REELD1: variants seen among roughly 807,000 people sequenced by gnomAD.
The protein encoded by REELD1 is reeler domain containing 1, also known as reelin domain-containing protein 1.
REELD1 carries 12 observed loss-of-function variants against 6.3 expected under a neutral mutation model. The observed-to-expected ratio is 1.89, with a 90% confidence interval of 1.21 to 3.07. REELD1 has a LOEUF of 3.07. Among genes scored for constraint, REELD1 ranks in the 30% most tolerant of loss-of-function variants. REELD1 has a pLI of 0.00. For missense variants in REELD1, 163 were observed against 86.8 expected (o/e 1.88, Z -3.49); for synonymous variants, 57 against 33.6 (o/e 1.70, Z -2.42).
rs1248198569 is a variant in REELD1, at chr4:146,227,563, C to T, written c.596-647C>T. On this transcript the variant is annotated intron_variant, in intron 5 of 7. Transcript: ENST00000623665. ...TGGCCTCATTTTGCAAATGAAGAAA[C>T]TAATGCTCTGGGAGGACTTCCCCAA... 1.2e-4 allele frequency among the ~76,000 whole-genome samples: 18 copies of T among 152,208 alleles called. 1 individual carries two copies. Among genetic ancestry groups the T allele is most frequent in the Admixed American group, 1.2e-3 (18 of 15,282 alleles).
chr4:146,224,285 C>T (rs1051547497), intron 4 of REELD1, among the ~76,000 whole-genome samples, 160 bp from the exon 5 acceptor site: 1 of 152,176 alleles, frequency 6.6e-6, no homozygotes, highest in Non-Finnish European at 1.5e-5. Context: ...TGAAGTCACT[C>T]AAAGAGTAAT....
chr4:146,222,638 G>A, intron 4 of REELD1, 59 bp downstream of exon 4: 1 of 398,308 alleles, frequency 2.5e-6, no homozygotes. Flanking sequence ...AGAGAGGGGA[G>A]CTTCTCTTTG....
intron 3 of REELD1, 85 bp from the exon 4 acceptor site, chr4:146,222,272 C>A (rs1473623358): frequency 2.5e-6 from 1 of 397,654 alleles, no homozygotes; most frequent in Non-Finnish European, 4.4e-6. Flanking sequence ...TGATCTTAAG[C>A]TTTTAGTTTT....
chr4:146,230,051 T>C lies in REELD1; in HGVS notation c.1119T>C (p.Ser373=). The C allele has an allele frequency of 2.5e-6, 1 of 398,828 alleles. No homozygotes were observed. The highest frequency in any genetic ancestry group is 2.1e-5 in the African/African-American group (1 of 48,772). The allele number at this position is 398,828 out of a possible 1,614,324, so 24.7% of individuals were successfully genotyped here. ...ASNPIPVLQT[S]GTSGLPAAGD... is the part of the protein sequence containing the mutation. ...ACCCAATCCCTGTCCTCCAGACCTC[T>C]GGCACTTCTGGGCTACCTGCTGCTG... is the stretch of plus-strand genomic sequence containing the variant. The change falls in exon 8 of 8, where the codon TCT becomes TCC. Residue 373 remains serine (S), a synonymous_variant. Transcript: ENST00000623665.
rs567443639 is a variant in REELD1 at position 146,231,705 on chromosome 4, A to C, written c.*1192A>C. Among the ~76,000 whole-genome samples the C allele has an allele frequency of 3.3e-5, 5 of 152,344 alleles. No individual in the cohort carries two copies. Among genetic ancestry groups the C allele is most frequent in the African/African-American group, 9.6e-5 (4 of 41,588 alleles). On this transcript the variant is annotated 3_prime_UTR_variant, in exon 8 of 8. Coordinates refer to ENST00000623665, the MANE Select transcript of REELD1 (RefSeq NM_001354631.1). ...GCGTATATCTTCACATTTAACTCTC[A>C]CAAAAATTTAATGAGGAATAAGTTC...
At position 146,228,224 on chromosome 4, in the gene REELD1, A is replaced by G; in HGVS notation, c.610A>G (p.Ile204Val). The change falls in exon 6 of 8, where the codon ATC becomes GTC. Residue 204 changes from isoleucine to valine, a missense_variant. Ile to Val is a conservative substitution (Grantham distance 29, BLOSUM62 3). Coordinates refer to ENST00000623665, the MANE Select transcript of REELD1 (RefSeq NM_001354631.1). The stretch of plus-strand genomic sequence containing the variant: ...CCTCTGCTTAGCTCCCAGGACCCCC[A>G]TCACTCTTCCACAGCAGCACACACA... The part of the protein sequence containing the change: ...EGAAPAPRTP[I>V]TLPQQHTHVF... 2.8e-6 allele frequency: 2 copies of G among 702,096 alleles called. No individual in the cohort carries two copies. Among genetic ancestry groups the G allele is most frequent in the Non-Finnish European group, 2.6e-6 (1 of 384,692 alleles). The allele number at this position is 702,096 out of a possible 1,614,324, so 43.5% of individuals were successfully genotyped here.
chr4:146,219,545 A>G (rs1680839476), intron 3 of REELD1, among the ~76,000 whole-genome samples: 1 of 152,232 alleles, frequency 6.6e-6, no homozygotes, highest in African/African-American at 2.4e-5. Flanking sequence ...AAACAATCCT[A>G]GACACCAAGC....
At chr4:146,216,010 C>G (rs1228609130) in intron 2 of REELD1, among the ~76,000 whole-genome samples, 2 of 152,198 alleles carry the variant, frequency 1.3e-5, no homozygotes, top group Admixed American at 6.5e-5. Context: ...CTCGGCCTCC[C>G]AAAGTGCTAG....
intron 3 of REELD1, among the ~76,000 whole-genome samples, chr4:146,219,375 A>G (rs949796720): frequency 6.6e-6 from 1 of 152,212 alleles, no homozygotes; most frequent in African/African-American, 2.4e-5. Flanking sequence ...CGTTGCAAGT[A>G]TACTGTTTTC....
chr4:146,227,475 C>A (rs1228488015), intron 5 of REELD1, among the ~76,000 whole-genome samples: 1 of 152,172 alleles, frequency 6.6e-6, no homozygotes, highest in Non-Finnish European at 1.5e-5. Context: ...TACCTGTGTG[C>A]CAGGCACCTG....
At chr4:146,224,080 A>G (rs1401132967) in intron 4 of REELD1, among the ~76,000 whole-genome samples, 1 of 152,252 alleles carries the variant, frequency 6.6e-6, no homozygotes, top group Non-Finnish European at 1.5e-5. Flanking sequence ...TCATGACATA[A>G]TAACTATATC....
At chr4:146,217,331 C>T (rs916696259) in intron 3 of REELD1, among the ~76,000 whole-genome samples, 171 bp downstream of exon 3, 2 of 152,102 alleles carry the variant, frequency 1.3e-5, no homozygotes, top group African/African-American at 4.8e-5. Flanking sequence ...TGGTCTGAAA[C>T]TCCTGGGCTT....
At chr4:146,216,615 G>T (rs17021249) in intron 2 of REELD1, among the ~76,000 whole-genome samples, 1 of 152,186 alleles carries the variant, frequency 6.6e-6, no homozygotes, top group African/African-American at 2.4e-5. Context: ...AGGAGCTCAC[G>T]CTAGGATACA....
chr4:146,229,118 T>A (rs577321004), intron 7 of REELD1, 30 bp downstream of exon 7: 1 of 700,110 alleles, frequency 1.4e-6, no homozygotes, highest in South Asian at 1.5e-5. Context: ...AGTGGGCTTG[T>A]GACTGGTATT....
intron 3 of REELD1, among the ~76,000 whole-genome samples, chr4:146,218,794 G>C (rs563918294): frequency 6.6e-6 from 1 of 152,260 alleles, no homozygotes; most frequent in East Asian, 1.9e-4. Context: ...CCAGCATGAA[G>C]GGATTGGTAT....
At chr4:146,220,165 G>A (rs1001175255) in intron 3 of REELD1, among the ~76,000 whole-genome samples, 2 of 152,104 alleles carry the variant, frequency 1.3e-5, no homozygotes, top group Non-Finnish European at 2.9e-5. Context: ...AGCCAGGGTG[G>A]TCTCAATCTT....
intron 3 of REELD1, among the ~76,000 whole-genome samples, chr4:146,219,389 C>T: frequency 6.6e-6 from 1 of 152,132 alleles, no homozygotes; most frequent in East Asian, 1.9e-4. Flanking sequence ...TGTTTTCTTG[C>T]CGGGATCTGT....
chr4:146,217,406 C>T (rs1371013111), intron 3 of REELD1, among the ~76,000 whole-genome samples: 1 of 145,590 alleles, frequency 6.9e-6, no homozygotes, highest in Non-Finnish European at 1.5e-5. Flanking sequence ...CTGTGCCCTG[C>T]TAATTTTTTG....
intron 5 of REELD1, among the ~76,000 whole-genome samples, chr4:146,227,122 T>A (rs1470621079): frequency 1.3e-5 from 2 of 152,238 alleles, no homozygotes; most frequent in Non-Finnish European, 2.9e-5. Flanking sequence ...AGTTTTGAGT[T>A]CAGGGACACC....
Sources: gnomAD v4.1 joint callset for allele counts (sites outside exome capture counted in the v4.1 genomes callset) on GRCh38, gnomAD v4.1.1 for gene constraint, MANE v1.5 for transcripts, NCBI Gene and HGNC (gene_info 2026-07-23, HGNC 2026-07-21) for gene names.